The following SPAG16 variants were observed in gnomAD, a reference collection of about 807,000 sequenced individuals.
The protein encoded by SPAG16 is sperm-associated antigen 16 protein.
A neutral mutation model predicts 80.4 loss-of-function variants in SPAG16; 86 were observed. The ratio of observed to expected loss-of-function variants is 1.07; its 90% CI spans 0.90 to 1.28. The LOEUF (loss-of-function observed/expected upper bound fraction) is 1.28, where lower values mean the gene tolerates loss of function less well. Among genes scored for constraint, SPAG16 ranks in the 50% most tolerant of loss-of-function variants. The pLI is 0.00. For missense variants in SPAG16, 870 were observed against 765.3 expected (o/e 1.14, Z -1.61); for synonymous variants, 294 against 265.9 (o/e 1.11, Z -1.03).
chr2:213,573,542 C>G (rs1012307479), intron 10 of SPAG16, among the ~76,000 whole-genome samples: 2 of 152,146 alleles, frequency 1.3e-5, no homozygotes, highest in Non-Finnish European at 2.9e-5. Context: ...ATGCTAAAAG[C>G]TCAGCCATTA....
intron 12 of SPAG16, among the ~76,000 whole-genome samples, chr2:213,969,275 C>T (rs1411023252): frequency 1.3e-5 from 2 of 152,198 alleles, no homozygotes; most frequent in African/African-American, 2.4e-5. Flanking sequence ...AATAATTCTC[C>T]ATCCAGATTA....
intron 9 of SPAG16, among the ~76,000 whole-genome samples, chr2:213,487,011 A>G (rs1359467046): frequency 6.6e-6 from 1 of 152,050 alleles, no homozygotes; most frequent in African/African-American, 2.4e-5. Flanking sequence ...TTGGGGTTGC[A>G]TTTTACAGAG....
intron 11 of SPAG16, among the ~76,000 whole-genome samples, chr2:213,886,374 G>A (rs115783396): frequency 2.5e-3 from 386 of 152,076 alleles, no homozygotes; most frequent in East Asian, 0.014. Flanking sequence ...GAGTGGTGGC[G>A]GGTAGAATGA....
rs1014529924 is a variant in SPAG16, at chr2:213,643,684, G to A, written c.1070+153594G>A. ...AGGCTATTTTCTAGATCCTGTAGGCGCCCTTCATTATTTTTTATTCTTTTA... is the reference window on the plus strand; with the variant it reads ...AGGCTATTTTCTAGATCCTGTAGGCACCCTTCATTATTTTTTATTCTTTTA... On this transcript the variant is annotated intron_variant, in intron 10 of 15. Coordinates refer to ENST00000331683, the MANE Select transcript of SPAG16 (RefSeq NM_024532.5). Among the ~76,000 whole-genome samples, 88 of 147,816 alleles carry A rather than the reference G, an allele frequency of 6.0e-4. 1 individual carries two copies. Among genetic ancestry groups the A allele is most frequent in the African/African-American group, 2.0e-3 (79 of 40,296 alleles).
chr2:213,671,785 G>C (rs937550216), intron 10 of SPAG16, among the ~76,000 whole-genome samples: 3 of 150,488 alleles, frequency 2.0e-5, no homozygotes, highest in African/African-American at 7.5e-5. Context: ...AGCAGGGCAC[G>C]TTCATTCAGA....
intron 10 of SPAG16, among the ~76,000 whole-genome samples, chr2:213,625,942 G>C (rs939872169): frequency 6.6e-6 from 1 of 151,824 alleles, no homozygotes; most frequent in Non-Finnish European, 1.5e-5. Context: ...CACCCGCCTC[G>C]GTCTCCCAAA....
intron 12 of SPAG16, among the ~76,000 whole-genome samples, chr2:213,956,446 CTTTTTTTTTTTT>C (rs755475252): frequency 8.8e-6 from 1 of 113,080 alleles, no homozygotes; most frequent in African/African-American, 3.2e-5. Flanking sequence ...ATTTTTTTTC[CTTTTTTTTTTTT>C]TTTTTTTGAG....
At chr2:213,337,424 C>A (rs2064426226) in intron 5 of SPAG16, among the ~76,000 whole-genome samples, 1 of 152,148 alleles carries the variant, frequency 6.6e-6, no homozygotes, top group South Asian at 2.1e-4. Context: ...ATGAACTTCA[C>A]TGAGCTAAAG....
intron 15 of SPAG16, among the ~76,000 whole-genome samples, chr2:214,363,449 T>G (rs1699301550): frequency 6.6e-6 from 1 of 152,022 alleles, no homozygotes. Flanking sequence ...TTTCCATACT[T>G]TTAAATATTA....
chr2:214,239,438 T>C (rs1689311383), intron 15 of SPAG16: 1 of 152,158 alleles, frequency 6.6e-6, no homozygotes, highest in Non-Finnish European at 1.5e-5. Context: ...AAACAATAAA[T>C]CCTCATTTTC....
At chr2:214,053,448 A>G (rs1474693184) in intron 13 of SPAG16, among the ~76,000 whole-genome samples, 1 of 152,192 alleles carries the variant, frequency 6.6e-6, no homozygotes, top group Non-Finnish European at 1.5e-5. Flanking sequence ...AGACCCTTTG[A>G]AGCAGGAGTA....
intron 15 of SPAG16, among the ~76,000 whole-genome samples, chr2:214,318,689 CTT>C (rs1333989627): frequency 6.6e-6 from 1 of 152,016 alleles, no homozygotes; most frequent in Admixed American, 6.6e-5. Flanking sequence ...AGAGTGGACT[CTT>C]TAACAATCAG....
At chr2:213,295,951 C>A in intron 1 of SPAG16, 113 bp from the exon 2 acceptor site, 1 of 789,696 alleles carries the variant, frequency 1.3e-6, no homozygotes, top group Non-Finnish European at 2.1e-6. Flanking sequence ...TATATATTTA[C>A]CAACTTCCTG....
chr2:213,966,314 T>C (rs1224307879), intron 12 of SPAG16, among the ~76,000 whole-genome samples: 2 of 152,224 alleles, frequency 1.3e-5, no homozygotes, highest in African/African-American at 2.4e-5. Context: ...GTTTCTTCAT[T>C]TGGAGTATTC....
chr2:213,492,000 AACTT>A (rs1282146476), intron 10 of SPAG16, among the ~76,000 whole-genome samples: 1 of 152,190 alleles, frequency 6.6e-6, no homozygotes, highest in Non-Finnish European at 1.5e-5. Context: ...ACTTTGGGAC[AACTT>A]ACTTACATGG....
At chr2:214,032,929 A>G (rs1432908037) in intron 13 of SPAG16, among the ~76,000 whole-genome samples, 1 of 152,202 alleles carries the variant, frequency 6.6e-6, no homozygotes, top group Non-Finnish European at 1.5e-5. Flanking sequence ...TTTTTATGTT[A>G]TACAAAGAAT....
chr2:213,847,424 G>A (rs992679982), intron 10 of SPAG16, among the ~76,000 whole-genome samples: 1 of 152,144 alleles, frequency 6.6e-6, no homozygotes, highest in Non-Finnish European at 1.5e-5. Flanking sequence ...AAGGCAAAGA[G>A]GGGCTGGCAT....
intron 13 of SPAG16, among the ~76,000 whole-genome samples, chr2:214,037,373 A>AGGTT (rs2048752467): frequency 6.6e-6 from 1 of 151,926 alleles, no homozygotes; most frequent in Non-Finnish European, 1.5e-5. Flanking sequence ...TTTTAAAATA[A>AGGTT]TCTGTTTTTT....
chr2:214,014,019 C>CA lies in SPAG16; in HGVS notation c.1469_1470insA (p.Asn491GlnfsTer23). 2.5e-6 allele frequency: 4 copies of CA among 1,613,552 alleles called. No individual in the cohort carries two copies. Among genetic ancestry groups the CA allele is most frequent in the Non-Finnish European group, 3.4e-6 (4 of 1,179,754 alleles). ...AACAGCATTGAGTTTTTTCCTTTCT[C>CA]CAATACTCTTCTCACAAGCTCTGCA... On this transcript the variant is annotated frameshift_variant, in exon 13 of 16. Transcript: ENST00000331683. LOFTEE classifies it high-confidence loss of function.
Sources: allele counts gnomAD v4.1 joint callset (sites outside exome capture counted in the v4.1 genomes callset), GRCh38; gene constraint gnomAD v4.1.1; transcripts MANE v1.5; gene names NCBI Gene and HGNC (gene_info 2026-07-23, HGNC 2026-07-21).